Variants in SBF2 observed in about 807,000 individuals in gnomAD.
The protein encoded by SBF2 is SET binding factor 2, also known as myotubularin-related protein 13.
A neutral mutation model predicts 225.2 loss-of-function variants in SBF2; 112 were observed. The ratio of observed to expected loss-of-function variants is 0.50; its 90% CI spans 0.43 to 0.58. SBF2 has a LOEUF of 0.58. Among genes scored for constraint, SBF2 ranks in the 20% least tolerant of loss-of-function variants. The pLI is 0.00. For synonymous variants in SBF2, 763 were observed against 773.3 expected, an observed-to-expected ratio of 0.99 and a Z score of 0.22; for missense variants, 1,996 against 2,206.2, an observed-to-expected ratio of 0.90 and a Z score of 1.91.
chr11:10,101,541 A>C (rs1214465208), intron 2 of SBF2, among the ~76,000 whole-genome samples: 2 of 151,944 alleles, frequency 1.3e-5, no homozygotes, highest in African/African-American at 4.8e-5. Flanking sequence ...GGTCATCAAA[A>C]ACCGCTCCAT....
At chr11:10,246,142 A>C (rs1426745564) in intron 1 of SBF2, among the ~76,000 whole-genome samples, 7 of 152,230 alleles carry the variant, frequency 4.6e-5, no homozygotes, top group Non-Finnish European at 1.0e-4. Context: ...ATCACACACA[A>C]AAAAAGAAAG....
Position 10,293,980 on chromosome 11 carries a change from G to GGAGGCCGGGGGGCGGC in SBF2, c.55+34_55+35insGCCGCCCCCCGGCCTC, listed in dbSNP as rs1251841071. The GGAGGCCGGGGGGCGGC allele has an allele frequency of 4.6e-4, 601 of 1,304,060 alleles. 1 individual carries two copies. Among genetic ancestry groups the GGAGGCCGGGGGGCGGC allele is most frequent in the Non-Finnish European group, 5.5e-4 (568 of 1,024,540 alleles). The allele number at this position is 1,304,060 out of a possible 1,614,324, so 80.8% of individuals were successfully genotyped here. A position where few individuals can be genotyped will look rare whatever the true frequency, so the allele number is the denominator to read the frequency against. On this transcript the variant is annotated intron_variant, in intron 1 of 39. Transcript: ENST00000256190. ...CCACTGGACAGCGGCCGGGGGGCGG[G>GGAGGCCGGGGGGCGGC]GAGGCCCGGGGGCGGTGCCGCCCCA...
chr11:10,056,491 TTG>T (rs1331199191), intron 2 of SBF2, among the ~76,000 whole-genome samples: 1 of 152,196 alleles, frequency 6.6e-6, no homozygotes, highest in Non-Finnish European at 1.5e-5. Context: ...GTAATTATTT[TTG>T]TGTGTCACAG....
intron 1 of SBF2, among the ~76,000 whole-genome samples, chr11:10,208,429 T>A (rs1957818826): frequency 1.3e-5 from 2 of 152,098 alleles, no homozygotes; most frequent in Admixed American, 6.5e-5. Context: ...TTGTATGATG[T>A]AGAATGAGAA....
intron 2 of SBF2, among the ~76,000 whole-genome samples, chr11:10,144,849 A>G (rs1954815579): frequency 6.6e-6 from 1 of 152,226 alleles, no homozygotes; most frequent in Non-Finnish European, 1.5e-5. Flanking sequence ...TTCTGTTACA[A>G]CCTAACATCC....
At chr11:10,183,017 C>T (rs950396115) in intron 2 of SBF2, among the ~76,000 whole-genome samples, 3 of 152,016 alleles carry the variant, frequency 2.0e-5, no homozygotes, top group Admixed American at 6.6e-5. Context: ...GTGATCCGCC[C>T]GCCTCGGCCT....
At chr11:9,840,356 G>A (rs533740479) in intron 25 of SBF2, among the ~76,000 whole-genome samples, 2 of 151,724 alleles carry the variant, frequency 1.3e-5, no homozygotes, top group South Asian at 4.2e-4. Flanking sequence ...ATTAAATCAT[G>A]TAACTTCTGT....
At chr11:9,964,878 T>G (rs1393666163) in intron 14 of SBF2, among the ~76,000 whole-genome samples, 1 of 152,190 alleles carries the variant, frequency 6.6e-6, no homozygotes, top group Non-Finnish European at 1.5e-5. Flanking sequence ...AATAGTTTTT[T>G]TTTGCATAAA....
intron 16 of SBF2, among the ~76,000 whole-genome samples, chr11:9,928,123 A>G (rs1376577726): frequency 1.3e-5 from 2 of 152,316 alleles, no homozygotes; most frequent in East Asian, 3.9e-4. Flanking sequence ...GACTTTATCA[A>G]AATAAAAAGC....
chr11:10,218,765 C>T (rs1032731758), intron 1 of SBF2, among the ~76,000 whole-genome samples: 4 of 152,112 alleles, frequency 2.6e-5, no homozygotes, highest in Non-Finnish European at 5.9e-5. Flanking sequence ...GGTTACAGGC[C>T]CCATGCAAGT....
At chr11:10,149,562 G>A (rs1472298083) in intron 2 of SBF2, 2 of 152,056 alleles carry the variant, frequency 1.3e-5, no homozygotes, top group African/African-American at 4.8e-5. Flanking sequence ...AGTTGCCAAA[G>A]GTAAGAGTTT....
chr11:10,126,077 C>T (rs886912462), intron 2 of SBF2, among the ~76,000 whole-genome samples: 4 of 152,112 alleles, frequency 2.6e-5, no homozygotes, highest in African/African-American at 4.8e-5. Context: ...CTTCATCCAT[C>T]GTTATCAGTT....
intron 13 of SBF2, among the ~76,000 whole-genome samples, chr11:9,972,274 C>CA (rs1946497864): frequency 6.6e-6 from 1 of 152,156 alleles, no homozygotes; most frequent in Non-Finnish European, 1.5e-5. Context: ...CACACACACA[C>CA]ACCACCCCAG....
chr11:9,790,085 G>A (rs898446760), intron 34 of SBF2, among the ~76,000 whole-genome samples: 1 of 152,218 alleles, frequency 6.6e-6, no homozygotes, highest in Admixed American at 6.5e-5. Flanking sequence ...CAGGGCGTGT[G>A]TTATGTAGAT....
intron 2 of SBF2, among the ~76,000 whole-genome samples, chr11:10,189,593 T>C (rs1282573126): frequency 6.6e-6 from 1 of 152,084 alleles, no homozygotes; most frequent in Non-Finnish European, 1.5e-5. Flanking sequence ...TACAGAAGAC[T>C]GAATTCATAG....
At chr11:10,254,900 C>CAAAAAAAAAAAAAAAAAAAAAAAAA (rs71034757) in intron 1 of SBF2, among the ~76,000 whole-genome samples, 10 of 44,074 alleles carry the variant, frequency 2.3e-4, no homozygotes, top group Non-Finnish European at 3.4e-4. Flanking sequence ...GACTCTGTCT[C>CAAAAAAAAAAAAAAAAAAAAAAAAA]AAAAAAAAAA....
intron 6 of SBF2, among the ~76,000 whole-genome samples, chr11:10,025,222 T>C (rs1672859410): frequency 6.6e-6 from 1 of 152,164 alleles, no homozygotes. Context: ...TTCTATGAGA[T>C]GGATAGACAG....
At chr11:10,192,990 T>C (rs1487909341) in intron 2 of SBF2, among the ~76,000 whole-genome samples, 1 of 152,168 alleles carries the variant, frequency 6.6e-6, no homozygotes, top group East Asian at 1.9e-4. Flanking sequence ...AGATAGAATA[T>C]CTTGGGTAGC....
chr11:9,892,471 G>A (rs1252919552), intron 17 of SBF2, among the ~76,000 whole-genome samples: 1 of 151,946 alleles, frequency 6.6e-6, no homozygotes, highest in Non-Finnish European at 1.5e-5. Flanking sequence ...GGAAACCAAT[G>A]GTTCAGAGGA....
Sources: gnomAD v4.1 joint callset for allele counts (sites outside exome capture counted in the v4.1 genomes callset) on GRCh38, gnomAD v4.1.1 for gene constraint, MANE v1.5 for transcripts, NCBI Gene and HGNC (gene_info 2026-07-23, HGNC 2026-07-21) for gene names.